WDPCP: variants seen among roughly 807,000 people sequenced by gnomAD.
The protein encoded by WDPCP is WD repeat-containing and planar cell polarity effector protein fritz homolog.
In WDPCP, 71 loss-of-function variants were observed where a neutral mutation model predicts 93.1. The observed-to-expected ratio is 0.76, with a 90% CI of 0.63 to 0.93. The LOEUF is 0.93. Among genes scored for constraint, WDPCP ranks in the 40% least tolerant of loss-of-function variants. The pLI, the probability that WDPCP is intolerant of heterozygous loss-of-function variation, is 0.00. For synonymous variants in WDPCP, 315 were observed against 315.0 expected (o/e 1.00, Z 0.00); for missense variants, 844 against 887.4 (o/e 0.95, Z 0.62).
At chr2:63,616,913 T>C (rs1709679147) in intron 3 of WDPCP, among the ~76,000 whole-genome samples, 1 of 152,226 alleles carries the variant, frequency 6.6e-6, no homozygotes, top group Non-Finnish European at 1.5e-5. Context: ...TAAGAATTTT[T>C]TGTTTGTAAA....
At chr2:63,556,345 T>G (rs1410960587) in intron 1 of WDPCP, among the ~76,000 whole-genome samples, 1 of 152,134 alleles carries the variant, frequency 6.6e-6, no homozygotes. Flanking sequence ...ACTATGGGGT[T>G]ATGTAAAAAG....
chr2:63,688,918 T>C (rs1668851472), intron 2 of WDPCP, among the ~76,000 whole-genome samples: 1 of 152,198 alleles, frequency 6.6e-6, no homozygotes, highest in Non-Finnish European at 1.5e-5. Context: ...GTGGATCAGC[T>C]ATCTCAGGAG....
intron 1 of WDPCP, among the ~76,000 whole-genome samples, chr2:63,587,667 A>T (rs1429279833): frequency 6.6e-6 from 1 of 152,262 alleles, no homozygotes; most frequent in Non-Finnish European, 1.5e-5. Flanking sequence ...GCTTTCAAAA[A>T]GCACAGCAAT....
At chr2:63,603,735 G>A (rs262471) in intron 3 of WDPCP, among the ~76,000 whole-genome samples, 120,131 of 149,326 alleles carry the variant, frequency 0.8, 48,844 homozygotes, top group East Asian at 0.98. Context: ...TTGGCTCACC[G>A]CAACCTCCGC....
At chr2:63,751,431 T>C (rs148472155) in intron 2 of WDPCP, among the ~76,000 whole-genome samples, 1 of 152,156 alleles carries the variant, frequency 6.6e-6, no homozygotes, top group Non-Finnish European at 1.5e-5. Flanking sequence ...AAAATCTACA[T>C]TAAAACCCTT....
At chr2:63,339,267 G>A (rs954406740) in intron 12 of WDPCP, among the ~76,000 whole-genome samples, 30 of 152,020 alleles carry the variant, frequency 2.0e-4, no homozygotes, top group African/African-American at 6.0e-4. Context: ...TCTGCCTCCC[G>A]GGTTCAAGCA....
chr2:63,575,428 G>GTGTATGCACTGTATATACAGTATATATAC (rs1707922740), intron 1 of WDPCP, among the ~76,000 whole-genome samples: 1 of 30,074 alleles, frequency 3.3e-5, no homozygotes, highest in African/African-American at 1.2e-4. Flanking sequence ...ACTGTATACA[G>GTGTATGCACTGTATATACAGTATATATAC]TGTATATACA....
chr2:63,717,614 T>A (rs1216697972), intron 2 of WDPCP: 5 of 526,888 alleles, frequency 9.5e-6, no homozygotes, highest in African/African-American at 7.7e-5. Context: ...CTGAAACACC[T>A]GCCTAGTGAC....
intron 14 of WDPCP, among the ~76,000 whole-genome samples, chr2:63,213,685 G>A (rs1274573458): frequency 2.0e-5 from 3 of 152,160 alleles, no homozygotes; most frequent in Admixed American, 2.0e-4. Flanking sequence ...GAATCCAGGA[G>A]CTGGGTTTTT....
chr2:63,710,867 T>C (rs558654293), intron 2 of WDPCP, among the ~76,000 whole-genome samples: 1 of 152,318 alleles, frequency 6.6e-6, no homozygotes, highest in African/African-American at 2.4e-5. Context: ...TCCACCTGTC[T>C]CTGTATTAGG....
At chr2:63,161,766 TC>T (rs1251379607) in intron 15 of WDPCP, among the ~76,000 whole-genome samples, 1 of 150,780 alleles carries the variant, frequency 6.6e-6, no homozygotes, top group African/African-American at 2.5e-5. Flanking sequence ...TTCATTTTTT[TC>T]TTTTTTTTTT....
chr2:63,221,288 A>C (rs1677812049), intron 14 of WDPCP, among the ~76,000 whole-genome samples: 1 of 152,246 alleles, frequency 6.6e-6, no homozygotes, highest in Admixed American at 6.5e-5. Context: ...GAAGAATATG[A>C]ATTCTTCCAG....
At chr2:63,412,766 C>A (rs1432812175) in intron 9 of WDPCP, among the ~76,000 whole-genome samples, 2 of 142,952 alleles carry the variant, frequency 1.4e-5, no homozygotes, top group Non-Finnish European at 3.1e-5. Flanking sequence ...AACTCAACCC[C>A]TTTTATAATA....
At chr2:63,631,949 T>G (rs1031845726) in intron 3 of WDPCP, among the ~76,000 whole-genome samples, 2 of 152,184 alleles carry the variant, frequency 1.3e-5, no homozygotes, top group African/African-American at 4.8e-5. Flanking sequence ...CTTTCATTAT[T>G]GAGATAATGA....
chr2:63,253,345 G>A (rs1288931354), intron 14 of WDPCP, among the ~76,000 whole-genome samples: 1 of 151,878 alleles, frequency 6.6e-6, no homozygotes, highest in Non-Finnish European at 1.5e-5. Flanking sequence ...TTATGATTAA[G>A]TAAGTCCTCA....
At chr2:63,839,824 G>A in the WDPCP span, among the ~76,000 whole-genome samples, 116 of 152,222 alleles carry the variant, frequency 7.6e-4, no homozygotes, top group Non-Finnish European at 1.4e-3. Context: ...GTTTTGTCTG[G>A]GGAAAATTCG....
At chr2:63,641,766 T>A (rs576022331) in intron 3 of WDPCP, among the ~76,000 whole-genome samples, 1 of 152,306 alleles carries the variant, frequency 6.6e-6, no homozygotes, top group Non-Finnish European at 1.5e-5. Context: ...TATTGATTGT[T>A]TCCATTTCTG....
At chr2:63,717,706 C>T in intron 2 of WDPCP, 2 of 463,314 alleles carry the variant, frequency 4.3e-6, no homozygotes, top group Non-Finnish European at 8.5e-6. Flanking sequence ...AATCCTTGGC[C>T]CAACGTTGAT....
intron 3 of WDPCP, chr2:63,622,046 C>T (rs1182060335): frequency 5.6e-6 from 5 of 900,074 alleles, no homozygotes; most frequent in Non-Finnish European, 7.9e-6. Flanking sequence ...CCCCTCACCC[C>T]TCAACATTCT....
Sources: gnomAD v4.1 joint callset for allele counts (sites outside exome capture counted in the v4.1 genomes callset) on GRCh38, gnomAD v4.1.1 for gene constraint, MANE v1.5 for transcripts, NCBI Gene and HGNC (gene_info 2026-07-23, HGNC 2026-07-21) for gene names.